ZMYND8: variants seen among roughly 807,000 people sequenced by gnomAD.
ZMYND8 encodes MYND-type zinc finger-containing chromatin reader ZMYND8.
Under a neutral mutation model 140.8 loss-of-function variants are expected in ZMYND8, and 37 were observed. The observed-to-expected ratio is 0.26, with a 90% CI of 0.20 to 0.35. The LOEUF (loss-of-function observed/expected upper bound fraction) is 0.35, where lower values mean the gene tolerates loss of function less well. Among genes scored for constraint, ZMYND8 ranks in the 10% least tolerant of loss-of-function variants. The pLI is 1.00. For synonymous variants in ZMYND8, 592 were observed against 597.1 expected (o/e 0.99, Z 0.12); for missense variants, 1,068 against 1,570.0 (o/e 0.68, Z 5.40).
At chr20:47,337,169 C>T (rs2081451238) in intron 2 of ZMYND8, among the ~76,000 whole-genome samples, 1 of 151,928 alleles carries the variant, frequency 6.6e-6, no homozygotes, top group African/African-American at 2.4e-5. Flanking sequence ...CTGGCCAACA[C>T]AGTGAAACCC....
In ZMYND8 at chr20:47,278,749, A is replaced by G. The variant is rs3803940; in HGVS notation, c.999-1954T>C. ...TCTTTCTCCTGAGACCTGAAGAACC[A>G]TATCTCCACCAAGAGGGGCAGAGCA... On this transcript the variant is annotated intron_variant, in intron 10 of 22. Coordinates refer to ENST00000471951, the MANE Select transcript of ZMYND8 (RefSeq NM_001281775.3). Among the ~76,000 whole-genome samples, 1,087 of 152,226 alleles carry G rather than the reference A, an allele frequency of 7.1e-3. 60 individuals are homozygous for G. In the East Asian group the frequency reaches 0.15, roughly 21 times the overall value.
chr20:47,320,641 C>T (rs962415929), intron 2 of ZMYND8: 16 of 152,262 alleles, frequency 1.1e-4, no homozygotes, highest in African/African-American at 3.9e-4. Flanking sequence ...AGGAGAATCG[C>T]TTGACCCCAG....
At chr20:47,315,482 T>C (rs1204381354) in intron 2 of ZMYND8, among the ~76,000 whole-genome samples, 1 of 151,982 alleles carries the variant, frequency 6.6e-6, no homozygotes, top group Admixed American at 6.6e-5. Context: ...CCTGCTGGAT[T>C]CGGTATCCTT....
Position 47,227,300 on chromosome 20 carries a change from G to A in ZMYND8, c.2938-19C>T, listed in dbSNP as rs774027915. On this transcript the variant is annotated intron_variant, in intron 17 of 22. Transcript: ENST00000471951. ...TGCGAATCTGGAAGAGGGAGAGTGA[G>A]CGTCTTCAAAAGCTGTCTCATGCAG... 11 of 1,613,666 alleles carry A rather than the reference G, an allele frequency of 6.8e-6. No individual in the cohort carries two copies. The Admixed American group carries it at 8.3e-5, about 12-fold the overall frequency.
chr20:47,269,682 A>G (rs543073540), intron 11 of ZMYND8, among the ~76,000 whole-genome samples: 1 of 152,220 alleles, frequency 6.6e-6, no homozygotes, highest in South Asian at 2.1e-4. Flanking sequence ...CCTTGGAATT[A>G]AATTAGGAAA....
Position 47,210,052 on chromosome 20 carries a change from C to T in ZMYND8, c.*709G>A, listed in dbSNP as rs773475200. The T allele has an allele frequency of 6.6e-6, 1 of 152,622 alleles. No homozygotes were observed. The highest frequency in any genetic ancestry group is 1.5e-5 in the Non-Finnish European group (1 of 68,052). The allele number at this position is 152,622 out of a possible 1,614,324, so 9.5% of individuals were successfully genotyped here. On this transcript the variant is annotated 3_prime_UTR_variant, in exon 23 of 23. Coordinates refer to ENST00000471951, the MANE Select transcript of ZMYND8 (RefSeq NM_001281775.3). ...GGCTTGTTTGTTTCTCTTCTGTAAA[C>T]AAGGATATTGTTTTTTCCCTTTTAG...
At chr20:47,255,619 A>C (rs2074559855) in intron 12 of ZMYND8, among the ~76,000 whole-genome samples, 1 of 139,768 alleles carries the variant, frequency 7.2e-6, no homozygotes, top group African/African-American at 2.7e-5. Flanking sequence ...TACACACCAT[A>C]TACATATACT....
At chr20:47,355,138 AC>A (rs931920655) in intron 1 of ZMYND8, among the ~76,000 whole-genome samples, 1 of 152,082 alleles carries the variant, frequency 6.6e-6, no homozygotes. Context: ...CAAGCACATC[AC>A]CTACTCACAG....
At chr20:47,238,383 T>C (rs1323899902) in intron 15 of ZMYND8, 2 of 319,196 alleles carry the variant, frequency 6.3e-6, no homozygotes, top group East Asian at 1.5e-4. Flanking sequence ...GATATGTATA[T>C]ATACATATAC....
At chr20:47,355,443 T>C (rs2083143411) in intron 1 of ZMYND8, 1 of 985,402 alleles carries the variant, frequency 1.0e-6, no homozygotes, top group Non-Finnish European at 1.2e-6. Flanking sequence ...TGGATTGCTT[T>C]ACTTACCCAA....
intron 2 of ZMYND8, among the ~76,000 whole-genome samples, chr20:47,327,721 C>T (rs1359980232): frequency 6.6e-6 from 1 of 152,190 alleles, no homozygotes. Flanking sequence ...AACAATCCTC[C>T]CGCCTGCCCA....
chr20:47,286,203 A>C (rs1474617315), intron 8 of ZMYND8, among the ~76,000 whole-genome samples: 4 of 150,246 alleles, frequency 2.7e-5, no homozygotes, highest in Non-Finnish European at 4.4e-5. Context: ...TCGGAGACAG[A>C]GTCTCACTCT....
intron 2 of ZMYND8, among the ~76,000 whole-genome samples, chr20:47,344,309 C>T (rs138719000): frequency 9.3e-4 from 141 of 152,104 alleles, no homozygotes; most frequent in African/African-American, 3.2e-3. Context: ...TAATACATAC[C>T]CTTGATGTGA....
At chr20:47,235,196 T>C (rs1278751706) in intron 16 of ZMYND8, among the ~76,000 whole-genome samples, 1 of 152,180 alleles carries the variant, frequency 6.6e-6, no homozygotes, top group African/African-American at 2.4e-5. Context: ...AAAGCCCAAC[T>C]ATGGGTCAAG....
intron 2 of ZMYND8, among the ~76,000 whole-genome samples, chr20:47,323,963 G>A (rs2080178631): frequency 2.0e-5 from 3 of 152,250 alleles, no homozygotes; most frequent in Admixed American, 1.3e-4. Context: ...CACTTTGGGA[G>A]GCCGAGGCTG....
At chr20:47,321,856 CTTT>C (rs60425976) in intron 2 of ZMYND8, among the ~76,000 whole-genome samples, 11 of 123,454 alleles carry the variant, frequency 8.9e-5, no homozygotes, top group African/African-American at 2.6e-4. Context: ...ACTCGCCGCC[CTTT>C]TTTTTTTTTT....
At chr20:47,330,836 C>G (rs1289107573) in intron 2 of ZMYND8, among the ~76,000 whole-genome samples, 2 of 152,148 alleles carry the variant, frequency 1.3e-5, no homozygotes, top group Non-Finnish European at 2.9e-5. Flanking sequence ...ATCATTTGTT[C>G]ATTCAAAAAA....
At chr20:47,289,782 G>A (rs1447466419) in intron 7 of ZMYND8, among the ~76,000 whole-genome samples, 1 of 152,198 alleles carries the variant, frequency 6.6e-6, no homozygotes, top group Admixed American at 6.5e-5. Flanking sequence ...CTAACACAAA[G>A]CAGAAAGTGG....
chr20:47,288,465 C>T (rs2077057577), intron 7 of ZMYND8, among the ~76,000 whole-genome samples: 1 of 147,912 alleles, frequency 6.8e-6, no homozygotes, highest in African/African-American at 2.5e-5. Flanking sequence ...CAGATCTCAG[C>T]TCACTGCAAC....
Sources: gnomAD v4.1 joint callset for allele counts (sites outside exome capture counted in the v4.1 genomes callset) on GRCh38, gnomAD v4.1.1 for gene constraint, MANE v1.5 for transcripts, NCBI Gene and HGNC (gene_info 2026-07-23, HGNC 2026-07-21) for gene names.